C12orf42: variants seen among roughly 807,000 people sequenced by gnomAD.
C12orf42 encodes uncharacterized protein C12orf42.
A neutral mutation model predicts 21.6 loss-of-function variants in C12orf42; 25 were observed. The observed-to-expected ratio is 1.16, with a 90% CI of 0.84 to 1.62. C12orf42 has a LOEUF of 1.62. Ranked by LOEUF, C12orf42 falls within the 40% of genes most tolerant of loss-of-function variation. The probability of loss-of-function intolerance (pLI) is 0.00; values close to 1 mark genes in which losing one functional copy is unlikely to be tolerated. For synonymous variants in C12orf42, 174 were observed against 175.0 expected (o/e 0.99, Z 0.05); for missense variants, 483 against 459.3 (o/e 1.05, Z -0.47).
chr12:103,546,380 T>A, the C12orf42 span, among the ~76,000 whole-genome samples: 2 of 152,234 alleles, frequency 1.3e-5, no homozygotes, highest in Non-Finnish European at 2.9e-5. Flanking sequence ...CCAGGGCACA[T>A]CTTCCCTAAG....
the C12orf42 span, among the ~76,000 whole-genome samples, chr12:103,513,149 G>A: frequency 6.6e-6 from 1 of 152,132 alleles, no homozygotes; most frequent in Non-Finnish European, 1.5e-5. Flanking sequence ...AATGAGGCAG[G>A]TGTTCCGGAG....
the C12orf42 span, among the ~76,000 whole-genome samples, chr12:103,200,397 G>C: frequency 2.2e-4 from 33 of 152,114 alleles, no homozygotes; most frequent in Non-Finnish European, 1.8e-4. Flanking sequence ...TCAAATTACA[G>C]AGATTTACTG....
chr12:103,393,506 T>A (rs1593784933), intron 3 of C12orf42, among the ~76,000 whole-genome samples: 4 of 152,282 alleles, frequency 2.6e-5, no homozygotes. Flanking sequence ...ACATCCAAAC[T>A]ATACTAGCTT....
chr12:103,251,459 T>C (rs554747130), intron 10 of C12orf42, among the ~76,000 whole-genome samples: 2 of 152,314 alleles, frequency 1.3e-5, no homozygotes, highest in African/African-American at 4.8e-5. Context: ...CATACAGTGT[T>C]CTGCTTCCTT....
chr12:103,379,286 A>G (rs1416875424), intron 3 of C12orf42, among the ~76,000 whole-genome samples: 2 of 152,140 alleles, frequency 1.3e-5, no homozygotes, highest in Non-Finnish European at 2.9e-5. Flanking sequence ...AATACAACTG[A>G]TGTCCCATCT....
At chr12:103,298,281 A>C (rs1187546648), downstream of C12orf42, among the ~76,000 whole-genome samples, 1 of 152,240 alleles carries the variant, frequency 6.6e-6, no homozygotes, top group Non-Finnish European at 1.5e-5. Context: ...ACCAATGTGC[A>C]AAAATCACAA....
chr12:103,256,273 G>A (rs979544880), intron 10 of C12orf42, among the ~76,000 whole-genome samples: 1 of 150,102 alleles, frequency 6.7e-6, no homozygotes, highest in Non-Finnish European at 1.5e-5. Flanking sequence ...TGGGAGGATC[G>A]TGATGATAGT....
At chr12:103,391,736 T>C (rs1233670944) in intron 3 of C12orf42, among the ~76,000 whole-genome samples, 1 of 151,580 alleles carries the variant, frequency 6.6e-6, no homozygotes, top group Non-Finnish European at 1.5e-5. Context: ...TGTGTATATA[T>C]ATATGATTGA....
At chr12:103,340,196 AGT>A (rs778626241) in intron 4 of C12orf42, among the ~76,000 whole-genome samples, 2 of 152,212 alleles carry the variant, frequency 1.3e-5, no homozygotes, top group Admixed American at 6.5e-5. Context: ...CGCTAAAGAG[AGT>A]GAGTTCTCCA....
the C12orf42 span, among the ~76,000 whole-genome samples, chr12:103,212,970 T>C: frequency 6.6e-6 from 1 of 152,028 alleles, no homozygotes; most frequent in Non-Finnish European, 1.5e-5. Context: ...TGTATGCATA[T>C]ATATATATAA....
the C12orf42 span, among the ~76,000 whole-genome samples, chr12:103,089,334 C>G: frequency 6.6e-6 from 1 of 152,104 alleles, no homozygotes; most frequent in African/African-American, 2.4e-5. Flanking sequence ...TTGCATTCAG[C>G]TGCTAAATTT....
the C12orf42 span, among the ~76,000 whole-genome samples, chr12:103,152,601 A>T: frequency 6.6e-6 from 1 of 152,220 alleles, no homozygotes; most frequent in African/African-American, 2.4e-5. Context: ...TATCCAAAAA[A>T]ATCTACAAAC....
chr12:103,111,000 A>C, the C12orf42 span, among the ~76,000 whole-genome samples: 29 of 152,186 alleles, frequency 1.9e-4, no homozygotes, highest in African/African-American at 6.5e-4. Context: ...AGCACTAGGC[A>C]GTTCTTGGTT....
chr12:103,358,486 T>C (rs992403304), intron 4 of C12orf42, among the ~76,000 whole-genome samples: 7 of 152,046 alleles, frequency 4.6e-5, no homozygotes, highest in Admixed American at 4.6e-4. Flanking sequence ...ACTTTGTGAC[T>C]GAGTCCACAG....
At chr12:103,496,496 C>T (rs1955551173), upstream of C12orf42, among the ~76,000 whole-genome samples, 1 of 152,118 alleles carries the variant, frequency 6.6e-6, no homozygotes, top group Non-Finnish European at 1.5e-5. Context: ...ATCCCACCTC[C>T]GACTGGTCAA....
At chr12:103,431,791 C>T (rs1592775716) in intron 2 of C12orf42, among the ~76,000 whole-genome samples, 1 of 152,234 alleles carries the variant, frequency 6.6e-6, no homozygotes, top group South Asian at 2.1e-4. Flanking sequence ...TCACACAGCA[C>T]CAAAGTATGC....
chr12:103,358,445 A>G (rs2043779743), intron 4 of C12orf42, among the ~76,000 whole-genome samples: 2 of 152,024 alleles, frequency 1.3e-5, no homozygotes. Flanking sequence ...ATCCAAGTTA[A>G]TCAAGATAGC....
intron 2 of C12orf42, among the ~76,000 whole-genome samples, chr12:103,449,651 A>T (rs889436620): frequency 7.2e-5 from 11 of 151,950 alleles, no homozygotes; most frequent in African/African-American, 2.7e-4. Context: ...ATTTCTCTAT[A>T]ATCGTGTTTT....
chr12:103,110,571 G>A, the C12orf42 span, among the ~76,000 whole-genome samples: 1 of 152,222 alleles, frequency 6.6e-6, no homozygotes, highest in Middle Eastern at 3.4e-3. Context: ...AGTTTGATAT[G>A]TTACTTTCTG....
Sources: allele counts gnomAD v4.1 joint callset (sites outside exome capture counted in the v4.1 genomes callset), GRCh38; gene constraint gnomAD v4.1.1; transcripts MANE v1.5; gene names NCBI Gene and HGNC (gene_info 2026-07-23, HGNC 2026-07-21).